The following GPR158 variants were observed in gnomAD, a reference collection of about 807,000 sequenced individuals.
The protein encoded by GPR158 is G protein-coupled receptor 158, also known as metabotropic glycine receptor.
GPR158 carries 30 observed loss-of-function variants against 78.2 expected under a neutral mutation model. The observed-to-expected ratio is 0.38, with a 90% CI of 0.29 to 0.52. GPR158 has a LOEUF of 0.52. Among genes scored for constraint, GPR158 ranks in the 20% least tolerant of loss-of-function variants. GPR158 has a pLI of 0.83. For missense variants in GPR158, 1,463 were observed against 1,523.5 expected (o/e 0.96, Z 0.66); for synonymous variants, 581 against 591.1 (o/e 0.98, Z 0.25).
At chr10:25,423,961 C>T (rs1834786949) in intron 4 of GPR158, among the ~76,000 whole-genome samples, 1 of 152,216 alleles carries the variant, frequency 6.6e-6, no homozygotes, top group Non-Finnish European at 1.5e-5. Context: ...AATTGTCACA[C>T]TGTCTTCCAC....
At chr10:25,560,593 T>C (rs904893811) in intron 6 of GPR158, among the ~76,000 whole-genome samples, 1 of 152,228 alleles carries the variant, frequency 6.6e-6, no homozygotes, top group African/African-American at 2.4e-5. Flanking sequence ...ACTTCTTTTA[T>C]ATTGGACTAA....
chr10:25,281,927 A>G lies in GPR158; in HGVS notation c.1008+60770A>G, dbSNP rs181293321. Among the ~76,000 whole-genome samples, 9 of 152,366 alleles carry G rather than the reference A, an allele frequency of 5.9e-5. No individual in the cohort carries two copies. The East Asian group carries it at 1.7e-3, about 29-fold the overall frequency. On this transcript the variant is annotated intron_variant, in intron 2 of 10. Transcript: ENST00000376351. The stretch of plus-strand genomic sequence containing the variant: ...GTGTAGACATAGAAATATAATCTCA[A>G]TAGAAAGAATGATTTGAATTTTTTC...
chr10:25,212,744 G>T (rs1285312476), intron 1 of GPR158, among the ~76,000 whole-genome samples: 1 of 138,776 alleles, frequency 7.2e-6, no homozygotes, highest in East Asian at 2.2e-4. Flanking sequence ...CGATTCTCTT[G>T]CCTCAGCCTC....
At chr10:25,532,455 C>A (rs2130694798) in intron 5 of GPR158, among the ~76,000 whole-genome samples, 1 of 152,270 alleles carries the variant, frequency 6.6e-6, no homozygotes, top group South Asian at 2.1e-4. Context: ...TACCTCAACT[C>A]TTTTCCTGTG....
chr10:25,322,642 T>C lies in GPR158; in HGVS notation c.1009-73269T>C, dbSNP rs185183480. On this transcript the variant is annotated intron_variant, in intron 2 of 10. Transcript: ENST00000376351. ...GATTCATAAGAGGAATCATTATCTATGGCAGCTATAGCCATATGAAATGTA... is the reference window on the plus strand; with the variant it reads ...GATTCATAAGAGGAATCATTATCTACGGCAGCTATAGCCATATGAAATGTA... Among the ~76,000 whole-genome samples the C allele has an allele frequency of 3.3e-3, 505 of 152,318 alleles. 3 individuals carry two copies. Among genetic ancestry groups the C allele is most frequent in the African/African-American group, 0.011 (466 of 41,580 alleles).
intron 2 of GPR158, among the ~76,000 whole-genome samples, chr10:25,347,812 T>C (rs765917949): frequency 7.2e-5 from 11 of 152,050 alleles, no homozygotes; most frequent in Non-Finnish European, 1.3e-4. Flanking sequence ...TATCATTTTA[T>C]AGTCGGAGAA....
intron 2 of GPR158, among the ~76,000 whole-genome samples, chr10:25,265,779 T>C (rs1472153287): frequency 6.6e-6 from 1 of 152,182 alleles, no homozygotes; most frequent in Non-Finnish European, 1.5e-5. Flanking sequence ...GAACCAGGCA[T>C]GTCAGGCTCT....
intron 7 of GPR158, among the ~76,000 whole-genome samples, chr10:25,581,787 G>A (rs1023090196): frequency 6.6e-6 from 1 of 152,074 alleles, no homozygotes; most frequent in Admixed American, 6.5e-5. Context: ...AGTAGCAAGC[G>A]ATCCCATATC....
chr10:25,539,185 G>T (rs2130701079), intron 5 of GPR158, among the ~76,000 whole-genome samples: 1 of 152,266 alleles, frequency 6.6e-6, no homozygotes, highest in South Asian at 2.1e-4. Flanking sequence ...GAGCAGTATT[G>T]GACTGGGAGG....
intron 2 of GPR158, among the ~76,000 whole-genome samples, chr10:25,374,970 G>A (rs998608380): frequency 1.7e-4 from 26 of 151,712 alleles, no homozygotes; most frequent in African/African-American, 6.3e-4. Flanking sequence ...AATTTCCAAA[G>A]CATTTTCAGA....
chr10:25,383,028 G>T (rs1834176868), intron 2 of GPR158, among the ~76,000 whole-genome samples: 1 of 151,886 alleles, frequency 6.6e-6, no homozygotes, highest in Non-Finnish European at 1.5e-5. Context: ...GTAGAGATGG[G>T]CTTTCACTAT....
At chr10:25,462,914 A>C (rs1194462227) in intron 4 of GPR158, among the ~76,000 whole-genome samples, 1 of 152,214 alleles carries the variant, frequency 6.6e-6, no homozygotes, top group Non-Finnish European at 1.5e-5. Context: ...AGAATATTAC[A>C]TTATTATAGT....
At chr10:25,301,142 A>G (rs1000318341) in intron 2 of GPR158, among the ~76,000 whole-genome samples, 2 of 152,218 alleles carry the variant, frequency 1.3e-5, no homozygotes, top group African/African-American at 4.8e-5. Context: ...TATTGAGATA[A>G]TTTGTCAAAA....
chr10:25,451,792 T>C (rs1218928037), intron 4 of GPR158, among the ~76,000 whole-genome samples: 3 of 152,232 alleles, frequency 2.0e-5, no homozygotes, highest in Non-Finnish European at 1.5e-5. Flanking sequence ...TGATAGCTGG[T>C]ACAAAAATGC....
intron 2 of GPR158, among the ~76,000 whole-genome samples, chr10:25,394,565 A>G (rs1834343592): frequency 6.6e-6 from 1 of 152,206 alleles, no homozygotes; most frequent in African/African-American, 2.4e-5. Flanking sequence ...TTGCTAACTC[A>G]GTTGAATTGA....
At chr10:25,419,792 C>T (rs1467474274) in intron 4 of GPR158, among the ~76,000 whole-genome samples, 1 of 152,094 alleles carries the variant, frequency 6.6e-6, no homozygotes, top group Non-Finnish European at 1.5e-5. Context: ...TGCCATGAGC[C>T]ATTTATATAT....
intron 5 of GPR158, among the ~76,000 whole-genome samples, chr10:25,547,307 C>T (rs1047046861): frequency 2.6e-5 from 4 of 152,090 alleles, no homozygotes; most frequent in East Asian, 1.9e-4. Context: ...GTATACTGCT[C>T]CTGGAATAAA....
intron 4 of GPR158, among the ~76,000 whole-genome samples, chr10:25,457,306 T>G (rs1835304516): frequency 6.6e-6 from 1 of 152,032 alleles, no homozygotes; most frequent in Non-Finnish European, 1.5e-5. Context: ...TTAATAGCTT[T>G]TAATGAGTAG....
chr10:25,302,268 TGGAGAC>T (rs1854610241), intron 2 of GPR158, among the ~76,000 whole-genome samples: 1 of 146,966 alleles, frequency 6.8e-6, no homozygotes, highest in Admixed American at 6.8e-5. Context: ...GTATTTTTAG[TGGAGAC>T]GGAGTTTCAC....
Sources: gnomAD v4.1 joint callset for allele counts (sites outside exome capture counted in the v4.1 genomes callset) on GRCh38, gnomAD v4.1.1 for gene constraint, MANE v1.5 for transcripts, NCBI Gene and HGNC (gene_info 2026-07-23, HGNC 2026-07-21) for gene names.